Variants in NKX2-1 observed in about 807,000 individuals in gnomAD.
NKX2-1 encodes the protein homeobox protein Nkx-2.1.
Under a neutral mutation model 35.1 loss-of-function variants are expected in NKX2-1, and 9 were observed. That is an observed-to-expected ratio of 0.26 (90% CI 0.15 to 0.45). The LOEUF is 0.45. Ranked by LOEUF, NKX2-1 falls within the 20% of genes least tolerant of loss-of-function variation. NKX2-1 has a pLI of 1.00. For missense variants in NKX2-1, 509 were observed against 589.1 expected, an observed-to-expected ratio of 0.86 and a Z score of 1.41; for synonymous variants, 284 against 269.9, an observed-to-expected ratio of 1.05 and a Z score of -0.51.
Position 36,517,095 on chromosome 14 carries a change from G to T in NKX2-1, c.*183C>A, listed in dbSNP as rs1209455611. ...AAAAAAAAACCCACAAATTTTAGGG[G>T]GGGAAAAAAAGAAAGACGTCCAGCA... On this transcript the variant is annotated 3_prime_UTR_variant, in exon 3 of 3. Transcript: ENST00000354822. 1.2e-5 allele frequency: 13 copies of T among 1,091,366 alleles called. No individual in the cohort carries two copies. Among genetic ancestry groups the T allele is most frequent in the African/African-American group, 1.6e-5 (1 of 61,426 alleles). The allele number at this position is 1,091,366 out of a possible 1,614,324, so 67.6% of individuals were successfully genotyped here.
Position 36,519,106 on chromosome 14 carries a change from C to G in NKX2-1, c.342G>C (p.Gly114=). 1 of 1,604,630 alleles carries G rather than the reference C, an allele frequency of 6.2e-7. No individual in the cohort carries two copies. The highest frequency in any genetic ancestry group is 8.5e-7 in the Non-Finnish European group (1 of 1,179,338). ...GVPQLSHSAV[G]GYCNGNLGNM... is the part of the protein sequence containing the mutation. ...TGCCCAGGTTGCCGTTGCAGTAGCC[C>G]CCCACGGCGGAGTGCGAGAGCTGGG... Residue 114 remains glycine (G), a synonymous_variant, in exon 2 of 3, where the codon GGG becomes GGC. Transcript: ENST00000354822.
rs1021549660 is a variant in NKX2-1 at position 36,516,664 on chromosome 14, A to G, written c.*614T>C. On this transcript the variant is annotated 3_prime_UTR_variant, in exon 3 of 3. Transcript: ENST00000354822. ...CAACTTTTGACAGCGTTTTACAGCT[A>G]CAAGTTCACATTAAACAAACTATTT... The G allele has an allele frequency of 8.6e-6, 2 of 233,200 alleles. No homozygotes were observed. The highest frequency in any genetic ancestry group is 5.6e-5 in the Admixed American group (1 of 17,770). 14.4% of individuals were successfully genotyped at this position (233,200 alleles called of 1,614,324 possible). A position where few individuals can be genotyped will look rare whatever the true frequency, so the allele number is the denominator to read the frequency against.
chr14:36,519,186 C>A lies in NKX2-1; in HGVS notation c.262G>T (p.Val88Leu). The A allele has an allele frequency of 1.2e-6, 2 of 1,603,182 alleles. No individual in the cohort carries two copies. The highest frequency in any genetic ancestry group is 1.7e-6 in the Non-Finnish European group (2 of 1,175,164). ...PPTAAMQQHA[V>L]GHHGAVTAAY... ...GCGGTGACGGCGCCGTGGTGCCCCA[C>A]GGCGTGCTGCTGCATGGCCGCTGTT... Residue 88 changes from valine to leucine, a missense_variant, in exon 2 of 3, where the codon GTG (valine) becomes TTG (leucine). Coordinates refer to ENST00000354822, the MANE Select transcript of NKX2-1 (RefSeq NM_001079668.3).
In NKX2-1 at chr14:36,520,123, A is replaced by G. The variant is rs1487426943; in HGVS notation, c.7T>C (p.Ser3Pro). 4 of 1,612,862 alleles carry G rather than the reference A, an allele frequency of 2.5e-6. No individual in the cohort carries two copies. The highest frequency in any genetic ancestry group is 3.4e-6 in the Non-Finnish European group (4 of 1,179,878). Residue 3 changes from serine (S) to proline (P), a missense_variant, in exon 1 of 3, where the codon TCC becomes CCC. Ser to Pro is a moderately conservative substitution (Grantham distance 74, BLOSUM62 -1). Transcript: ENST00000354822. MW[S>P]GGSGKARGWE... ...CCCCGCGCCTTCCCACTGCCTCCGG[A>G]CCACATCGGGCTTCGCTGCGCTGAG...
Position 36,517,482 on chromosome 14 carries a change from G to T in NKX2-1, c.1002C>A (p.Ile334=). 7.3e-7 allele frequency: 1 copy of T among 1,365,044 alleles called. No individual in the cohort carries two copies. The highest frequency in any genetic ancestry group is 9.4e-7 in the Non-Finnish European group (1 of 1,064,510). The allele number at this position is 1,365,044 out of a possible 1,614,324, so 84.6% of individuals were successfully genotyped here. A position where few individuals can be genotyped will look rare whatever the true frequency, so the allele number is the denominator to read the frequency against. ...AQAAQAAAAA[I]SVGSGGAGLG... is the part of the protein sequence containing the mutation. ...GGCCGGCGCCACCGCTGCCCACGGA[G>T]ATGGCCGCTGCCGCCGCCTGCGCGG... is the stretch of plus-strand genomic sequence containing the variant. Residue 334 remains isoleucine (I), a synonymous_variant, in exon 3 of 3, where the codon ATC becomes ATA. Coordinates refer to ENST00000354822, the MANE Select transcript of NKX2-1 (RefSeq NM_001079668.3).
chr14:36,519,570 C>T (rs1483045196), intron 1 of NKX2-1, 200 bp from the exon 2 acceptor site: 62 of 1,534,202 alleles, frequency 4.0e-5, no homozygotes, highest in Admixed American at 9.8e-5. Context: ...TGTTTTAGCC[C>T]GGCGCCAGGT....
chr14:36,519,995 C>T, intron 1 of NKX2-1, 58 bp downstream of exon 1: 2 of 1,606,060 alleles, frequency 1.2e-6, no homozygotes, highest in Admixed American at 1.7e-5. Flanking sequence ...GTCGGGGTTC[C>T]CCGGGCACGG....
Position 36,517,360 on chromosome 14 carries a change from G to C in NKX2-1, c.1124C>G (p.Ser375Cys). The change falls in exon 3 of 3, where the codon TCC (serine) becomes TGC (cysteine). Residue 375 changes from serine (S) to cysteine (C), a missense_variant. Physicochemically the swap from Ser to Cys is moderately radical, Grantham distance 112. Around this residue, in one of 5 missense-constraint regions of NKX2-1, gnomAD observed 212 missense variants for 227.7 expected, o/e 0.93. Coordinates refer to ENST00000354822, the MANE Select transcript of NKX2-1 (RefSeq NM_001079668.3). The part of the protein sequence containing the change: ...ASPAALQGQV[S>C]SLSHLNSSGS... ...CGAGGAGTTCAGGTGGGACAGGCTGGATACCTGGCCCTGCAGCGCCGCGGG... is the reference window on the plus strand; with the variant it reads ...CGAGGAGTTCAGGTGGGACAGGCTGCATACCTGGCCCTGCAGCGCCGCGGG... 8 of 1,609,852 alleles carry C rather than the reference G, an allele frequency of 5.0e-6. No homozygotes were observed. The highest frequency in any genetic ancestry group is 6.8e-6 in the Non-Finnish European group (8 of 1,179,128).
Position 36,517,592 on chromosome 14 carries a change from T to G in NKX2-1, c.892A>C (p.Lys298Gln). Reference sequence around the variant, plus strand: ...GCGGGGGCACCCGCCTGGCACGGTTTGCCGTCTTTCACCAGGACCGGCACC... The same window carrying G: ...GCGGGGGCACCCGCCTGGCACGGTTGGCCGTCTTTCACCAGGACCGGCACC... ...VAVPVLVKDG[K>Q]PCQAGAPAPG... is the part of the protein sequence containing the mutation. The change falls in exon 3 of 3, where the codon AAA (lysine) becomes CAA (glutamine). Residue 298 changes from lysine (K) to glutamine (Q), a missense_variant. By Grantham distance (53) the Lys-to-Gln change is moderately conservative (BLOSUM62 1). This residue lies in a region of NKX2-1 where 212 missense variants were observed against 227.7 expected (regional missense o/e 0.93). Coordinates refer to ENST00000354822, the MANE Select transcript of NKX2-1 (RefSeq NM_001079668.3). 1 of 1,523,270 alleles carries G rather than the reference T, an allele frequency of 6.6e-7. No homozygotes were observed. Among genetic ancestry groups the G allele is most frequent in the Admixed American group, 2.0e-5 (1 of 49,280 alleles). 94.4% of individuals were successfully genotyped at this position (1,523,270 alleles called of 1,614,324 possible).
At chr14:36,518,094 C>G in intron 2 of NKX2-1, 74 bp from the exon 3 acceptor site, 2 of 1,545,292 alleles carry the variant, frequency 1.3e-6, no homozygotes, top group Admixed American at 1.9e-5. Context: ...GCGCCATTGG[C>G]CCGCCCGGCC....
rs2139408234 is a variant in NKX2-1, at chr14:36,517,999, G to A, written c.485C>T (p.Ala162Val). ...CATGCCGCTCATGTTCATGCCGCTC[G>A]CCGGGCCCATGAAGCGGGAGACTGT... ...FPAISRFMGPASGMNMSGMGG... is the reference protein window; with the variant it reads ...FPAISRFMGPVSGMNMSGMGG... Residue 162 changes from alanine to valine, a missense_variant, in exon 3 of 3, where the codon GCG becomes GTG. Ala to Val is a moderately conservative substitution (Grantham distance 64). Around this residue, in one of 5 missense-constraint regions of NKX2-1, gnomAD observed 271 missense variants for 284.1 expected, o/e 0.95. Coordinates refer to ENST00000354822, the MANE Select transcript of NKX2-1 (RefSeq NM_001079668.3). The A allele has an allele frequency of 6.3e-7, 1 of 1,598,534 alleles. No homozygotes were observed.
At chr14:36,519,896 G>A (rs1205952708) in intron 1 of NKX2-1, among the ~76,000 whole-genome samples, 157 bp downstream of exon 1, 1 of 152,190 alleles carries the variant, frequency 6.6e-6, no homozygotes, top group Non-Finnish European at 1.5e-5. Flanking sequence ...GGGAGTAACA[G>A]AGGAGGAGAG....
rs747491554 is a variant in NKX2-1 at position 36,519,247 on chromosome 14, C to A, written c.201G>T (p.Pro67=). The A allele has an allele frequency of 1.9e-6, 3 of 1,609,652 alleles. No individual in the cohort carries two copies. The highest frequency in any genetic ancestry group is 2.5e-6 in the Non-Finnish European group (3 of 1,178,516). ...VGMEGGGLGA[P]LAAYRQGQAA... ...CCTGGCCCTGCCTGTACGCCGCCAGCGGAGCCCCGAGGCCGCCGCCCTCCA... is the reference window on the plus strand; with the variant it reads ...CCTGGCCCTGCCTGTACGCCGCCAGAGGAGCCCCGAGGCCGCCGCCCTCCA... Residue 67 remains proline (P), a synonymous_variant, in exon 2 of 3, where the codon CCG becomes CCT. Coordinates refer to ENST00000354822, the MANE Select transcript of NKX2-1 (RefSeq NM_001079668.3).
chr14:36,517,507 G>A lies in NKX2-1; in HGVS notation c.977C>T (p.Ala326Val), dbSNP rs2139406150. Residue 326 changes from alanine (A) to valine (V), a missense_variant, in exon 3 of 3, where the codon GCC becomes GTC. By Grantham distance (64) the Ala-to-Val change is moderately conservative. This residue lies in a region of NKX2-1 where 212 missense variants were observed against 227.7 expected (regional missense o/e 0.93). Transcript: ENST00000354822. Reference sequence around the variant, plus strand: ...GATGGCCGCTGCCGCCGCCTGCGCGGCCTGCGCCTGGTGCTGCGCCTGCTG... The same window carrying A: ...GATGGCCGCTGCCGCCGCCTGCGCGACCTGCGCCTGGTGCTGCGCCTGCTG... ...AQQQAQHQAQ[A>V]AQAAAAAISV... The A allele has an allele frequency of 7.4e-7, 1 of 1,360,050 alleles. No homozygotes were observed. The highest frequency in any genetic ancestry group is 1.9e-5 in the South Asian group (1 of 52,388). 84.2% of individuals were successfully genotyped at this position (1,360,050 alleles called of 1,614,324 possible). A position where few individuals can be genotyped will look rare whatever the true frequency, so the allele number is the denominator to read the frequency against.
In NKX2-1 at chr14:36,517,224, G is replaced by A. The variant is rs2139404952; in HGVS notation, c.*54C>T. On this transcript the variant is annotated 3_prime_UTR_variant, in exon 3 of 3. Coordinates refer to ENST00000354822, the MANE Select transcript of NKX2-1 (RefSeq NM_001079668.3). ...CGGTGGATGGTGGTCTGTGTGGCGG[G>A]CAGGAGGGAAGCGGTGAGGCAGAGC... 2 of 1,568,654 alleles carry A rather than the reference G, an allele frequency of 1.3e-6. No homozygotes were observed. Among genetic ancestry groups the A allele is most frequent in the East Asian group, 2.3e-5 (1 of 43,344 alleles).
chr14:36,519,262 G>C lies in NKX2-1; in HGVS notation c.186C>G (p.Gly62=), dbSNP rs769410845. 14 of 1,610,782 alleles carry C rather than the reference G, an allele frequency of 8.7e-6. No homozygotes were observed. The highest frequency in any genetic ancestry group is 1.6e-4 in the Middle Eastern group (1 of 6,082). ...ESYKKVGMEG[G]GLGAPLAAYR... ...ACGCCGCCAGCGGAGCCCCGAGGCC[G>C]CCGCCCTCCATGCCCACTTTCTTGT... Residue 62 remains glycine, a synonymous_variant, in exon 2 of 3, where the codon GGC becomes GGG. Coordinates refer to ENST00000354822, the MANE Select transcript of NKX2-1 (RefSeq NM_001079668.3).
chr14:36,518,645 C>A (rs1031882856), intron 2 of NKX2-1, among the ~76,000 whole-genome samples: 2 of 152,206 alleles, frequency 1.3e-5, no homozygotes, highest in African/African-American at 4.8e-5. Flanking sequence ...GGTCTAGCCT[C>A]TCCGCGCTCT....
Position 36,519,187 on chromosome 14 carries a change from G to C in NKX2-1, c.261C>G (p.Ala87=), listed in dbSNP as rs760687943. Residue 87 remains alanine, a synonymous_variant, in exon 2 of 3, where the codon GCC becomes GCG. Transcript: ENST00000354822. ...APPTAAMQQH[A]VGHHGAVTAA... Reference sequence around the variant, plus strand: ...CGGTGACGGCGCCGTGGTGCCCCACGGCGTGCTGCTGCATGGCCGCTGTTG... The same window carrying C: ...CGGTGACGGCGCCGTGGTGCCCCACCGCGTGCTGCTGCATGGCCGCTGTTG... The C allele has an allele frequency of 6.2e-7, 1 of 1,603,434 alleles. No individual in the cohort carries two copies. The highest frequency in any genetic ancestry group is 1.1e-5 in the South Asian group (1 of 90,152).
chr14:36,518,087 C>A, intron 2 of NKX2-1, 67 bp from the exon 3 acceptor site: 1 of 1,568,850 alleles, frequency 6.4e-7, no homozygotes, highest in Non-Finnish European at 8.6e-7. Flanking sequence ...GTTTTCCGCG[C>A]CATTGGCCCG....
Sources: gnomAD v4.1 joint callset for allele counts (sites outside exome capture counted in the v4.1 genomes callset) on GRCh38, gnomAD v4.1.1 for gene constraint, gnomAD v4.1.1 regional missense constraint, MANE v1.5 for transcripts, NCBI Gene and HGNC (gene_info 2026-07-23, HGNC 2026-07-21) for gene names.